The following ATXN2 variants were observed in gnomAD, a reference collection of about 807,000 sequenced individuals.
The protein encoded by ATXN2 is ataxin 2.
In ATXN2, 37 loss-of-function variants were observed where a neutral mutation model predicts 138.6. The ratio of observed to expected loss-of-function variants is 0.27; its 90% confidence interval spans 0.21 to 0.35. ATXN2 has a LOEUF of 0.35. ATXN2 is among the 10% of genes least tolerant of loss of function. The pLI is 1.00. For synonymous variants in ATXN2, 549 were observed against 543.7 expected (o/e 1.01, Z -0.13); for missense variants, 1,216 against 1,480.3 (o/e 0.82, Z 2.93).
At chr12:111,487,013 CCAT>C (rs1249807788) in intron 15 of ATXN2, among the ~76,000 whole-genome samples, 189 bp from the exon 16 acceptor site, 2 of 152,096 alleles carry the variant, frequency 1.3e-5, no homozygotes, top group African/African-American at 4.8e-5. Context: ...AAGAATACAG[CCAT>C]AAAAGAACAA....
intron 21 of ATXN2, among the ~76,000 whole-genome samples, chr12:111,459,306 T>A (rs1192438862): frequency 6.6e-6 from 1 of 152,188 alleles, no homozygotes; most frequent in Non-Finnish European, 1.5e-5. Context: ...AGGCCCTCCA[T>A]CATCATCATA....
At chr12:111,507,339 G>A (rs576041999) in intron 14 of ATXN2, among the ~76,000 whole-genome samples, 68 of 142,488 alleles carry the variant, frequency 4.8e-4, no homozygotes, top group Non-Finnish European at 7.3e-4. Flanking sequence ...GGTGAGGAGC[G>A]TCTCTGCCTG....
intron 6 of ATXN2, among the ~76,000 whole-genome samples, chr12:111,521,192 T>C (rs971116002): frequency 6.6e-6 from 1 of 152,220 alleles, no homozygotes; most frequent in Non-Finnish European, 1.5e-5. Context: ...TGAGCAGTTA[T>C]TTTTAAAGTT....
chr12:111,567,137 T>C (rs545648788), intron 1 of ATXN2, among the ~76,000 whole-genome samples: 1 of 151,994 alleles, frequency 6.6e-6, no homozygotes, highest in African/African-American at 2.4e-5. Flanking sequence ...GAAAGTGGTT[T>C]CTTAAGATGG....
At chr12:111,489,928 T>A (rs1877907147) in intron 14 of ATXN2, among the ~76,000 whole-genome samples, 1 of 151,966 alleles carries the variant, frequency 6.6e-6, no homozygotes, top group African/African-American at 2.4e-5. Context: ...CAGGGCTGCG[T>A]GCAGTGGCTA....
chr12:111,509,642 GAC>G (rs755664266), intron 13 of ATXN2, 23 bp from the exon 14 acceptor site: 4 of 1,363,236 alleles, frequency 2.9e-6, no homozygotes, highest in African/African-American at 2.9e-5. Context: ...GAACTGTTAA[GAC>G]ACAGGTTTAT....
intron 5 of ATXN2, among the ~76,000 whole-genome samples, chr12:111,549,871 G>A (rs926408936): frequency 1.1e-4 from 17 of 152,194 alleles, no homozygotes; most frequent in African/African-American, 4.1e-4. Flanking sequence ...AGACCAGCCT[G>A]GCCAACATAG....
At chr12:111,482,147 T>TTC (rs888885261) in intron 18 of ATXN2, among the ~76,000 whole-genome samples, 3 of 149,190 alleles carry the variant, frequency 2.0e-5, no homozygotes, top group Non-Finnish European at 3.0e-5. Context: ...AGGCCAGGAG[T>TTC]TCAAGACCAG....
At position 111,596,073 on chromosome 12, in the gene ATXN2, A is replaced by ACCTGTAATCCCAGCTACTG. The variant is rs1884924428; in HGVS notation, c.251+2692_251+2710dup. Among the ~76,000 whole-genome samples the ACCTGTAATCCCAGCTACTG allele has an allele frequency of 2.0e-5, 3 of 152,168 alleles. No individual in the cohort carries two copies. The South Asian group carries it at 6.2e-4, about 32-fold the overall frequency. ...AAATTAGCCAGGTGTGGTAGCACGA[A>ACCTGTAATCCCAGCTACTG]CCTGTAATCCCAGCTACTGGGGAGG... On this transcript the variant is annotated intron_variant, in intron 1 of 24. Coordinates refer to ENST00000673436, the MANE Select transcript of ATXN2 (RefSeq NM_001372574.1).
chr12:111,579,294 C>T (rs978531517), intron 1 of ATXN2, among the ~76,000 whole-genome samples: 6 of 152,124 alleles, frequency 3.9e-5, no homozygotes, highest in African/African-American at 1.2e-4. Flanking sequence ...CGGAGTTTCA[C>T]TCTTGATGCC....
At chr12:111,570,438 C>A (rs650887) in intron 1 of ATXN2, among the ~76,000 whole-genome samples, 2 of 152,008 alleles carry the variant, frequency 1.3e-5, no homozygotes, top group African/African-American at 2.4e-5. Flanking sequence ...ACCTTATTAG[C>A]GTTTACTTTA....
intron 18 of ATXN2, chr12:111,471,025 C>A: frequency 2.5e-6 from 1 of 394,688 alleles, no homozygotes; most frequent in Admixed American, 3.5e-5. Flanking sequence ...TCATGGCCCT[C>A]AGACTTGATC....
chr12:111,520,269 C>G (rs1345122246), intron 7 of ATXN2, among the ~76,000 whole-genome samples, 193 bp from the exon 8 acceptor site: 3 of 151,900 alleles, frequency 2.0e-5, no homozygotes, highest in African/African-American at 7.3e-5. Flanking sequence ...TTTCTGTTAC[C>G]TTTTCTCCAG....
chr12:111,455,803 T>A (rs1875042075), intron 23 of ATXN2: 3 of 602,004 alleles, frequency 5.0e-6, no homozygotes, highest in Non-Finnish European at 9.0e-6. Context: ...TTTTAAGGTC[T>A]CAGTTGGAAA....
At chr12:111,462,977 T>C (rs73201767) in intron 21 of ATXN2, among the ~76,000 whole-genome samples, 46,263 of 147,618 alleles carry the variant, frequency 0.31, 8,822 homozygotes, top group African/African-American at 0.55. Context: ...TATATATATA[T>C]ACACACACAC....
chr12:111,501,994 T>C (rs543340697), intron 14 of ATXN2, among the ~76,000 whole-genome samples: 1 of 152,098 alleles, frequency 6.6e-6, no homozygotes, highest in Non-Finnish European at 1.5e-5. Flanking sequence ...CAGGCTCAAG[T>C]GATTCTCCCA....
intron 5 of ATXN2, among the ~76,000 whole-genome samples, chr12:111,525,573 GA>G (rs1343408162): frequency 6.6e-6 from 1 of 152,158 alleles, no homozygotes; most frequent in Non-Finnish European, 1.5e-5. Flanking sequence ...AACTGATACG[GA>G]ATATATAGTA....
chr12:111,531,066 C>A (rs1004225858), intron 5 of ATXN2, among the ~76,000 whole-genome samples: 1 of 149,076 alleles, frequency 6.7e-6, no homozygotes, highest in Non-Finnish European at 1.5e-5. Context: ...TGCGGTGAGC[C>A]GAGATCGCAC....
At position 111,457,249 on chromosome 12, in the gene ATXN2, G is replaced by A. The variant is rs1875178396; in HGVS notation, c.3007C>T (p.His1003Tyr). ...ATPTGQQQSQ[H>Y]GGSHPAPSPV... ...CTGGGTGCAGGATGACTTCCACCATGTTGGCTTTGCTGCTGTCCAGTGGGG... is the reference window on the plus strand; with the variant it reads ...CTGGGTGCAGGATGACTTCCACCATATTGGCTTTGCTGCTGTCCAGTGGGG... Residue 1003 changes from histidine to tyrosine, a missense_variant, in exon 22 of 25, where the codon CAT becomes TAT. Transcript: ENST00000673436. 6.2e-7 allele frequency: 1 copy of A among 1,614,108 alleles called. No homozygotes were observed. Among genetic ancestry groups the A allele is most frequent in the East Asian group, 2.2e-5 (1 of 44,894 alleles).
Sources: gnomAD v4.1 joint callset for allele counts (sites outside exome capture counted in the v4.1 genomes callset) on GRCh38, gnomAD v4.1.1 for gene constraint, MANE v1.5 for transcripts, NCBI Gene and HGNC (gene_info 2026-07-23, HGNC 2026-07-21) for gene names.